Variants in WNK1 observed in about 807,000 individuals in gnomAD.
WNK1 encodes the protein WNK lysine deficient protein kinase 1, also known as serine/threonine-protein kinase WNK1.
WNK1 carries 38 observed loss-of-function variants against 222.8 expected under a neutral mutation model. The ratio of observed to expected loss-of-function variants is 0.17; its 90% CI spans 0.13 to 0.22. WNK1 has a LOEUF of 0.22. Ranked by LOEUF, WNK1 falls within the 10% of genes least tolerant of loss-of-function variation. The probability of loss-of-function intolerance (pLI) is 1.00; values close to 1 mark genes in which losing one functional copy is unlikely to be tolerated. For missense variants in WNK1, 2,348 were observed against 2,918.4 expected, an observed-to-expected ratio of 0.80 and a Z score of 4.50; for synonymous variants, 1,090 against 1,092.9, an observed-to-expected ratio of 1.00 and a Z score of 0.05.
At chr12:898,319 C>T (rs1258035341) in intron 25 of WNK1, among the ~76,000 whole-genome samples, 1 of 151,794 alleles carries the variant, frequency 6.6e-6, no homozygotes, top group Non-Finnish European at 1.5e-5. Context: ...CCTGTCTCTA[C>T]TAAAAATAAA....
intron 4 of WNK1, among the ~76,000 whole-genome samples, chr12:838,078 AGTGTGTGTGT>A (rs3072742): frequency 8.7e-5 from 13 of 148,888 alleles, no homozygotes; most frequent in African/African-American, 1.5e-4. Context: ...GTAATATTCC[AGTGTGTGTGT>A]GTGTGTGTGT....
In WNK1 at chr12:911,343, T is replaced by TAAC. The variant is rs1555166394; in HGVS notation, c.*2552_*2554dup. 7.6e-3 allele frequency: 3,010 copies of TAAC among 398,652 alleles called. 75 individuals carry two copies. The highest frequency in any genetic ancestry group is 0.054 in the African/African-American group (2,654 of 48,750). The allele number at this position is 398,652 out of a possible 1,614,324, so 24.7% of individuals were successfully genotyped here. The stretch of plus-strand genomic sequence containing the variant: ...CAGCCGTTAATTGTACATTTTGCAC[T>TAAC]AACTCTGGGTGTTGCGCTTCTTGTA... On this transcript the variant is annotated 3_prime_UTR_variant, in exon 28 of 28. Coordinates refer to ENST00000315939, the MANE Select transcript of WNK1 (RefSeq NM_018979.4).
chr12:870,728 T>C (rs966397587), intron 8 of WNK1, among the ~76,000 whole-genome samples: 3 of 152,152 alleles, frequency 2.0e-5, no homozygotes, highest in South Asian at 2.1e-4. Flanking sequence ...TCTCCACATA[T>C]TGCCAAGTGC....
At chr12:894,774 C>A in intron 23 of WNK1, 139 bp downstream of exon 23, 2 of 731,596 alleles carry the variant, frequency 2.7e-6, no homozygotes, top group Admixed American at 2.4e-5. Context: ...CTCTTTTTAG[C>A]ATTTTCCTAA....
At chr12:780,964 T>A (rs929918253) in intron 1 of WNK1, among the ~76,000 whole-genome samples, 6 of 152,228 alleles carry the variant, frequency 3.9e-5, no homozygotes, top group Admixed American at 3.9e-4. Flanking sequence ...TACTTTGCAG[T>A]GGCTATCAAA....
intron 2 of WNK1, among the ~76,000 whole-genome samples, chr12:826,464 G>A (rs893563012): frequency 6.6e-6 from 1 of 152,144 alleles, no homozygotes. Context: ...GTATTATAAA[G>A]AAGGAAACTC....
chr12:866,385 A>T (rs1951670135), intron 8 of WNK1, among the ~76,000 whole-genome samples: 1 of 152,154 alleles, frequency 6.6e-6, no homozygotes, highest in Non-Finnish European at 1.5e-5. Context: ...TGTTTTGGAG[A>T]TGGAATCTCG....
intron 1 of WNK1, among the ~76,000 whole-genome samples, chr12:803,581 G>A (rs559345509): frequency 2.6e-5 from 4 of 152,058 alleles, no homozygotes; most frequent in African/African-American, 7.2e-5. Flanking sequence ...TCAGGAGTTC[G>A]AGACTAGCCT....
In WNK1 at chr12:753,717, C is replaced by T. The variant is rs750813319; in HGVS notation, c.152C>T (p.Thr51Ile). 8 of 1,612,098 alleles carry T rather than the reference C, an allele frequency of 5.0e-6. No homozygotes were observed. The highest frequency in any genetic ancestry group is 3.3e-5 in the Admixed American group (2 of 60,020). Residue 51 changes from threonine (T) to isoleucine (I), a missense_variant, in exon 1 of 28, where the codon ACC (threonine) becomes ATC (isoleucine). By Grantham distance (89) the Thr-to-Ile change is moderately conservative. Around this residue, in one of 13 missense-constraint regions of WNK1, gnomAD observed 108 missense variants for 109.7 expected, o/e 0.98. Transcript: ENST00000315939. This position sits in a 1 kb window ranked among gnomAD's most constrained non-coding sequence, Gnocchi z 5.2. ...AAAADAVTGR[T>I]EEYRRRRHTM... ...GCCGCCGACGCTGTGACCGGCAGGACCGAGGAGTACAGGCGCCGCCGCCAC... is the reference window on the plus strand; with the variant it reads ...GCCGCCGACGCTGTGACCGGCAGGATCGAGGAGTACAGGCGCCGCCGCCAC...
rs1161338719 is a variant in WNK1 at position 903,368 on chromosome 12, C to T, written c.6643+2698C>T. On this transcript the variant is annotated intron_variant, in intron 26 of 27. Transcript: ENST00000315939. ...TCAATAATTTTTCTGGTCAGACTTT[C>T]CTGGACTGTGCATATTAGCACTTTG... 3.3e-5 allele frequency among the ~76,000 whole-genome samples: 5 copies of T among 151,876 alleles called. 1 individual carries two copies. Among genetic ancestry groups the T allele is most frequent in the Non-Finnish European group, 5.9e-5 (4 of 67,982 alleles).
chr12:852,828 T>C (rs1950511804), intron 4 of WNK1, among the ~76,000 whole-genome samples: 1 of 152,192 alleles, frequency 6.6e-6, no homozygotes, highest in African/African-American at 2.4e-5. Flanking sequence ...AGCTTTCTAT[T>C]ACATGTCCCA....
chr12:767,599 C>T (rs1036898254), intron 1 of WNK1, among the ~76,000 whole-genome samples: 1 of 152,004 alleles, frequency 6.6e-6, no homozygotes, highest in Admixed American at 6.6e-5. Context: ...ATCTCCTTTC[C>T]CTCTGTAATC....
intron 4 of WNK1, among the ~76,000 whole-genome samples, chr12:851,173 T>C (rs1264912928): frequency 6.6e-6 from 1 of 152,328 alleles, no homozygotes; most frequent in East Asian, 1.9e-4. Context: ...AGTATTGTGA[T>C]TCCCTGTCCA....
chr12:850,573 A>G (rs953007139), intron 4 of WNK1, among the ~76,000 whole-genome samples: 17 of 152,110 alleles, frequency 1.1e-4, no homozygotes, highest in Non-Finnish European at 1.6e-4. Flanking sequence ...CTTTAGTTTA[A>G]TTAGATCCCA....
chr12:908,140 T>G, intron 27 of WNK1, 106 bp downstream of exon 27: 1 of 1,376,788 alleles, frequency 7.3e-7, no homozygotes, highest in Non-Finnish European at 1.0e-6. Flanking sequence ...CTTCTTCAAT[T>G]TTAATACTTT....
At chr12:770,564 C>T (rs2153948364) in intron 1 of WNK1, among the ~76,000 whole-genome samples, 1 of 152,230 alleles carries the variant, frequency 6.6e-6, no homozygotes, top group African/African-American at 2.4e-5. Flanking sequence ...TTAGACTATT[C>T]TATTAAAATG....
chr12:795,399 C>T lies in WNK1; in HGVS notation c.760-18243C>T, dbSNP rs1218041839. Among the ~76,000 whole-genome samples, 3 of 151,210 alleles carry T rather than the reference C, an allele frequency of 2.0e-5. No homozygotes were observed. The South Asian group carries it at 6.3e-4, about 32-fold the overall frequency. ...TGTAATAATCTTCATGTGTCAGTGG[C>T]GGGGCCAGCTGGAGGTAATTGAATC... On this transcript the variant is annotated intron_variant, in intron 1 of 27. Transcript: ENST00000315939.
chr12:865,324 A>C lies in WNK1; in HGVS notation c.2139+3054A>C, dbSNP rs1190765461. The C allele has an allele frequency of 7.8e-6, 12 of 1,536,154 alleles. No homozygotes were observed. Among genetic ancestry groups the C allele is most frequent in the Non-Finnish European group, 1.0e-5 (12 of 1,146,902 alleles). On this transcript the variant is annotated intron_variant, in intron 8 of 27. Coordinates refer to ENST00000315939, the MANE Select transcript of WNK1 (RefSeq NM_018979.4). ...CCTATGCACTCTGCCTCTCAGCGCA[A>C]GCACCGACGCTCCAGCCTGCCTTCC... is the stretch of plus-strand genomic sequence containing the variant.
At chr12:849,910 T>C (rs1950297422) in intron 4 of WNK1, among the ~76,000 whole-genome samples, 9 of 152,218 alleles carry the variant, frequency 5.9e-5, no homozygotes, top group Admixed American at 5.9e-4. Flanking sequence ...TCCTTTTTTA[T>C]GGCTGCATAG....
Sources: gnomAD v4.1 joint callset for allele counts (sites outside exome capture counted in the v4.1 genomes callset) on GRCh38, gnomAD v4.1.1 for gene constraint, gnomAD v4.1.1 regional missense constraint, Gnocchi (gnomAD v3.1) non-coding constraint, MANE v1.5 for transcripts, NCBI Gene and HGNC (gene_info 2026-07-23, HGNC 2026-07-21) for gene names.